The following ARSB variants were observed in gnomAD, a reference collection of about 807,000 sequenced individuals.
ARSB encodes the protein N-acetylgalactosamine-4-sulfatase.
A neutral mutation model predicts 50.9 loss-of-function variants in ARSB; 41 were observed. That is an observed-to-expected ratio of 0.81 (90% CI 0.63 to 1.04). The LOEUF is 1.04. Among genes scored for constraint, ARSB ranks in the 50% least tolerant of loss-of-function variants. The pLI is 0.00. For missense variants in ARSB, 672 were observed against 693.3 expected (o/e 0.97, Z 0.35); for synonymous variants, 269 against 284.8 (o/e 0.94, Z 0.56).
At position 78,850,611 on chromosome 5, in the gene ARSB, T is replaced by A. The variant is rs1745720685; in HGVS notation, c.1143-11185A>T. Reference sequence around the variant, plus strand: ...GGAGGATTCTCTCTTTTTCTATTGATTGGAATAGTTTCAGAAGGAATGGTA... The same window carrying A: ...GGAGGATTCTCTCTTTTTCTATTGAATGGAATAGTTTCAGAAGGAATGGTA... On this transcript the variant is annotated intron_variant, in intron 5 of 7. Transcript: ENST00000264914. Among the ~76,000 whole-genome samples, 3 of 152,334 alleles carry A rather than the reference T, an allele frequency of 2.0e-5. No individual in the cohort carries two copies. In the East Asian group the frequency reaches 5.8e-4, roughly 29 times the overall value.
intron 5 of ARSB, among the ~76,000 whole-genome samples, chr5:78,877,116 C>A (rs1327324085): frequency 1.3e-5 from 2 of 152,098 alleles, no homozygotes; most frequent in African/African-American, 4.8e-5. Flanking sequence ...CGGGAAAGAA[C>A]TACCTGTAAG....
intron 4 of ARSB, among the ~76,000 whole-genome samples, chr5:78,945,081 C>A (rs776158124): frequency 6.6e-6 from 1 of 152,162 alleles, no homozygotes; most frequent in Non-Finnish European, 1.5e-5. Context: ...CTGAGCCAGG[C>A]GCGGGATACA....
At chr5:78,930,574 G>A (rs1217982049) in intron 4 of ARSB, among the ~76,000 whole-genome samples, 1 of 152,190 alleles carries the variant, frequency 6.6e-6, no homozygotes, top group Admixed American at 6.5e-5. Context: ...TAAACCACTG[G>A]AAAGGAATAA....
intron 6 of ARSB, among the ~76,000 whole-genome samples, chr5:78,831,300 C>G (rs1744672385): frequency 6.6e-6 from 1 of 151,928 alleles, no homozygotes; most frequent in Admixed American, 6.6e-5. Flanking sequence ...ACCTGTTTTA[C>G]TAGGTGACAC....
At chr5:78,819,711 G>A (rs1252611369) in intron 6 of ARSB, among the ~76,000 whole-genome samples, 1 of 152,240 alleles carries the variant, frequency 6.6e-6, no homozygotes, top group Non-Finnish European at 1.5e-5. Flanking sequence ...CTAGCACTGT[G>A]ACAGCAAGAG....
chr5:78,946,314 T>C (rs898141891), intron 4 of ARSB, among the ~76,000 whole-genome samples: 3 of 152,188 alleles, frequency 2.0e-5, no homozygotes, highest in African/African-American at 7.2e-5. Context: ...TATCCTTGTT[T>C]GCAGATGATA....
At chr5:78,923,228 A>C (rs1257831783) in intron 4 of ARSB, among the ~76,000 whole-genome samples, 2 of 152,222 alleles carry the variant, frequency 1.3e-5, no homozygotes, top group Non-Finnish European at 2.9e-5. Context: ...AATTCCAATA[A>C]GATTCATCTC....
At position 78,842,515 on chromosome 5, in the gene ARSB, C is replaced by T. The variant is rs146508140; in HGVS notation, c.1143-3089G>A. ...CTGAGGAGTTAAAATTTCCCCAGAC[C>T]GAAGAAGCTGGACATGGGTACACAG... On this transcript the variant is annotated intron_variant, in intron 5 of 7. Transcript: ENST00000264914. 4.5e-4 allele frequency among the ~76,000 whole-genome samples: 69 copies of T among 152,162 alleles called. 1 individual carries two copies. The East Asian group carries it at 0.013, about 28-fold the overall frequency.
intron 4 of ARSB, among the ~76,000 whole-genome samples, chr5:78,949,480 A>G (rs1343489113): frequency 6.6e-6 from 1 of 152,270 alleles, no homozygotes; most frequent in Admixed American, 6.5e-5. Flanking sequence ...ACATTATTAT[A>G]GCACATTATT....
intron 1 of ARSB, among the ~76,000 whole-genome samples, chr5:78,980,731 T>C (rs1231170704): frequency 7.6e-6 from 1 of 132,258 alleles, no homozygotes; most frequent in African/African-American, 2.5e-5. Context: ...AGGAAGTGTG[T>C]GTATGTGTGT....
At chr5:78,867,643 A>C (rs1256147094) in intron 5 of ARSB, among the ~76,000 whole-genome samples, 1 of 152,218 alleles carries the variant, frequency 6.6e-6, no homozygotes, top group Non-Finnish European at 1.5e-5. Flanking sequence ...AACAGAAAGG[A>C]CACCGAAAAC....
chr5:78,972,144 T>C (rs1482573931), intron 1 of ARSB, among the ~76,000 whole-genome samples: 3 of 152,198 alleles, frequency 2.0e-5, no homozygotes, highest in East Asian at 3.9e-4. Context: ...CTGGCAGGAG[T>C]GAGAGGGAAA....
chr5:78,869,994 C>A lies in ARSB; in HGVS notation c.1142+15590G>T, dbSNP rs1464299401. Among the ~76,000 whole-genome samples the A allele has an allele frequency of 6.3e-5, 9 of 143,606 alleles. No individual in the cohort carries two copies. The South Asian group carries it at 1.4e-3, about 22-fold the overall frequency. The allele number at this position is 143,606 out of a possible 152,430, so 94.2% of individuals were successfully genotyped here. ...TGATAAAGGGGATATCACCACCGAT[C>A]CCACAGAAATACAAACTACCATCAG... On this transcript the variant is annotated intron_variant, in intron 5 of 7. Coordinates refer to ENST00000264914, the MANE Select transcript of ARSB (RefSeq NM_000046.5).
intron 4 of ARSB, among the ~76,000 whole-genome samples, chr5:78,920,167 G>C (rs1044396320): frequency 2.2e-4 from 34 of 152,316 alleles, no homozygotes; most frequent in African/African-American, 8.2e-4. Flanking sequence ...AAAAGAAATT[G>C]GGTGGCTGGA....
intron 3 of ARSB, among the ~76,000 whole-genome samples, chr5:78,958,299 G>A (rs961975691): frequency 1.3e-5 from 2 of 152,128 alleles, no homozygotes; most frequent in African/African-American, 4.8e-5. Context: ...TCTCATCCAG[G>A]TCATTAGCAG....
intron 6 of ARSB, among the ~76,000 whole-genome samples, chr5:78,834,433 A>G (rs2112703671): frequency 6.6e-6 from 1 of 150,894 alleles, no homozygotes; most frequent in South Asian, 2.1e-4. Context: ...CCACCATTCT[A>G]TTTTCTGTCC....
intron 3 of ARSB, among the ~76,000 whole-genome samples, chr5:78,961,077 C>T (rs1261573403): frequency 6.6e-6 from 1 of 152,124 alleles, no homozygotes; most frequent in Non-Finnish European, 1.5e-5. Context: ...CTCTTAAGTG[C>T]TTTTTAAAAT....
intron 4 of ARSB, among the ~76,000 whole-genome samples, chr5:78,903,203 T>C (rs1748882699): frequency 6.6e-6 from 1 of 152,170 alleles, no homozygotes; most frequent in Non-Finnish European, 1.5e-5. Context: ...GAGATCTCAT[T>C]GCAAGTAAGC....
rs762385496 is a variant in ARSB at position 78,980,938 on chromosome 5, CTTTTTTTTTTTTTTTTT to C, written c.312+3982_312+3998del. On this transcript the variant is annotated intron_variant, in intron 1 of 7. Coordinates refer to ENST00000264914, the MANE Select transcript of ARSB (RefSeq NM_000046.5). ...TGTAGAGAGACCTGAATTTCTAGTT[CTTTTTTTTTTTTTTTTT>C]TTTTTTTTTTTTTGAGACGGAGTCT... Among the ~76,000 whole-genome samples, 13 of 24,480 alleles carry C rather than the reference CTTTTTTTTTTTTTTTTT, an allele frequency of 5.3e-4. 5 individuals are homozygous for C. In the South Asian group the frequency reaches 0.016, roughly 30 times the overall value. The allele number at this position is 24,480 out of a possible 152,430, so 16.1% of individuals were successfully genotyped here.
Sources: allele counts gnomAD v4.1 joint callset (sites outside exome capture counted in the v4.1 genomes callset), GRCh38; gene constraint gnomAD v4.1.1; transcripts MANE v1.5; gene names NCBI Gene and HGNC (gene_info 2026-07-23, HGNC 2026-07-21).